Variants in GRID2 observed in about 807,000 individuals in gnomAD.
The protein encoded by GRID2 is glutamate receptor ionotropic, delta-2.
Under a neutral mutation model 114.8 loss-of-function variants are expected in GRID2, and 33 were observed. The observed-to-expected ratio is 0.29, with a 90% CI of 0.22 to 0.38. The LOEUF (loss-of-function observed/expected upper bound fraction) is 0.38. Ranked by LOEUF, GRID2 falls within the 10% of genes least tolerant of loss-of-function variation. The pLI is 1.00. For missense variants in GRID2, 1,184 were observed against 1,257.7 expected (o/e 0.94, Z 0.89); for synonymous variants, 505 against 449.9 (o/e 1.12, Z -1.55).
At chr4:92,945,613 T>C (rs927967299) in intron 2 of GRID2, among the ~76,000 whole-genome samples, 2 of 152,290 alleles carry the variant, frequency 1.3e-5, no homozygotes, top group East Asian at 3.9e-4. Flanking sequence ...TGATGGTCAC[T>C]GGGGAGGGAG....
Position 93,182,722 on chromosome 4 carries a change from C to T in GRID2, c.736-24682C>T, listed in dbSNP as rs7684828. On this transcript the variant is annotated intron_variant, in intron 4 of 15. Transcript: ENST00000282020. The stretch of plus-strand genomic sequence containing the variant: ...TCAAGATTCTACACCCAGACATCAC[C>T]GTCCTTATAAACAATTTATCACTTT... Among the ~76,000 whole-genome samples the T allele has an allele frequency of 9.6e-3, 1,465 of 152,272 alleles. 6 individuals are homozygous for T. The highest frequency in any genetic ancestry group is 0.017 in the Non-Finnish European group (1,126 of 68,028).
At chr4:92,791,585 T>C (rs1252524055) in intron 2 of GRID2, among the ~76,000 whole-genome samples, 1 of 151,838 alleles carries the variant, frequency 6.6e-6, no homozygotes, top group African/African-American at 2.4e-5. Context: ...GAAAACAGAA[T>C]AATCAGTTTC....
chr4:92,875,903 T>A (rs1375529932), intron 2 of GRID2, among the ~76,000 whole-genome samples: 1 of 152,182 alleles, frequency 6.6e-6, no homozygotes, highest in African/African-American at 2.4e-5. Context: ...GATTAAAAAA[T>A]GCTTCCCAAC....
At chr4:92,986,532 C>G (rs1044615317) in intron 2 of GRID2, among the ~76,000 whole-genome samples, 1 of 152,020 alleles carries the variant, frequency 6.6e-6, no homozygotes, top group Admixed American at 6.5e-5. Context: ...TCCTCCCAAC[C>G]CTAGAAAACT....
intron 4 of GRID2, among the ~76,000 whole-genome samples, chr4:93,196,098 C>T (rs1332264275): frequency 6.6e-6 from 1 of 152,106 alleles, no homozygotes; most frequent in Non-Finnish European, 1.5e-5. Flanking sequence ...ATACTTCATC[C>T]TAGTGAAATA....
At chr4:92,355,574 A>G (rs1728280322) in intron 1 of GRID2, among the ~76,000 whole-genome samples, 1 of 151,856 alleles carries the variant, frequency 6.6e-6, no homozygotes, top group Admixed American at 6.6e-5. Context: ...TACACTATTT[A>G]ACTTTACGTT....
intron 14 of GRID2, among the ~76,000 whole-genome samples, chr4:93,681,585 T>C (rs1725543173): frequency 1.3e-5 from 2 of 152,038 alleles, no homozygotes; most frequent in South Asian, 4.1e-4. Context: ...AACAGAGATA[T>C]AGATCAATGG....
chr4:92,370,824 G>C (rs1472650574), intron 1 of GRID2, among the ~76,000 whole-genome samples: 2 of 152,148 alleles, frequency 1.3e-5, no homozygotes, highest in Non-Finnish European at 2.9e-5. Context: ...AGAAAGTAGA[G>C]TGATGGTTAC....
At chr4:93,361,679 T>G (rs1007173532) in intron 8 of GRID2, among the ~76,000 whole-genome samples, 1 of 152,052 alleles carries the variant, frequency 6.6e-6, no homozygotes, top group Non-Finnish European at 1.5e-5. Context: ...AGTGATTAAT[T>G]TATGTCCTAA....
At chr4:92,398,845 A>C (rs1302438853) in intron 1 of GRID2, among the ~76,000 whole-genome samples, 5 of 152,162 alleles carry the variant, frequency 3.3e-5, no homozygotes, top group African/African-American at 1.2e-4. Flanking sequence ...AATGCATATA[A>C]TTTAATAGGC....
chr4:92,531,714 A>G (rs1217616143), intron 1 of GRID2, among the ~76,000 whole-genome samples: 1 of 152,138 alleles, frequency 6.6e-6, no homozygotes, highest in Non-Finnish European at 1.5e-5. Context: ...CTAGAAAATG[A>G]GACATTTAAG....
In GRID2 at chr4:92,626,087, A is replaced by C. The variant is rs975957987; in HGVS notation, c.244+35801A>C. On this transcript the variant is annotated intron_variant, in intron 2 of 15. Transcript: ENST00000282020. ...AATACAAAAATAATATTTTTGATGC[A>C]TTGATGAGCTTTCAGCAAAATAAGT... Among the ~76,000 whole-genome samples, 4 of 152,026 alleles carry C rather than the reference A, an allele frequency of 2.6e-5. No individual in the cohort carries two copies. In the East Asian group the frequency reaches 7.7e-4, roughly 29 times the overall value.
intron 8 of GRID2, among the ~76,000 whole-genome samples, chr4:93,345,068 T>C (rs1259275355): frequency 1.3e-5 from 2 of 151,528 alleles, no homozygotes; most frequent in Non-Finnish European, 2.9e-5. Flanking sequence ...AACACTTAGG[T>C]TGGCTGATTC....
chr4:92,919,604 T>A (rs1046115450), intron 2 of GRID2, among the ~76,000 whole-genome samples: 19 of 152,216 alleles, frequency 1.2e-4, no homozygotes, highest in African/African-American at 4.6e-4. Flanking sequence ...TTCATTTTGT[T>A]ATGTACCCAG....
At chr4:93,109,953 G>A (rs1049774892) in intron 3 of GRID2, among the ~76,000 whole-genome samples, 21 of 152,004 alleles carry the variant, frequency 1.4e-4, no homozygotes, top group Non-Finnish European at 2.5e-4. Context: ...GTGTGACGTG[G>A]ACACTGGACA....
At chr4:92,465,420 A>G (rs575588183) in intron 1 of GRID2, among the ~76,000 whole-genome samples, 2 of 152,208 alleles carry the variant, frequency 1.3e-5, no homozygotes, top group South Asian at 4.1e-4. Context: ...GATTTCTGAT[A>G]TGAATTATTT....
chr4:93,618,266 T>C (rs1421892849), intron 13 of GRID2, among the ~76,000 whole-genome samples: 2 of 152,238 alleles, frequency 1.3e-5, no homozygotes, highest in South Asian at 2.1e-4. Flanking sequence ...TCTGTTAGAA[T>C]TGTAATCTTC....
intron 2 of GRID2, among the ~76,000 whole-genome samples, chr4:93,081,221 A>G (rs1264742258): frequency 2.0e-5 from 3 of 152,240 alleles, no homozygotes; most frequent in African/African-American, 7.2e-5. Context: ...GTCAGAAAAA[A>G]AAGATCACAA....
At chr4:93,716,443 C>T (rs1482107624) in intron 14 of GRID2, among the ~76,000 whole-genome samples, 1 of 151,968 alleles carries the variant, frequency 6.6e-6, no homozygotes, top group African/African-American at 2.4e-5. Context: ...ATAGCAGGGA[C>T]ATAATTAAAT....
Sources: gnomAD v4.1 joint callset for allele counts (sites outside exome capture counted in the v4.1 genomes callset) on GRCh38, gnomAD v4.1.1 for gene constraint, MANE v1.5 for transcripts, NCBI Gene and HGNC (gene_info 2026-07-23, HGNC 2026-07-21) for gene names.